Variants in PTPN11 observed in about 807,000 individuals in gnomAD.
PTPN11 encodes the protein protein tyrosine phosphatase non-receptor type 11.
Under a neutral mutation model 78.8 loss-of-function variants are expected in PTPN11, and 6 were observed. The observed-to-expected ratio is 0.08, with a 90% confidence interval of 0.04 to 0.15. The LOEUF is 0.15. Among genes scored for constraint, PTPN11 ranks in the 10% least tolerant of loss-of-function variants. PTPN11 has a pLI of 1.00. For synonymous variants in PTPN11, 221 were observed against 263.5 expected (o/e 0.84, Z 1.56); for missense variants, 386 against 744.8 (o/e 0.52, Z 5.61).
intron 9 of PTPN11, among the ~76,000 whole-genome samples, chr12:112,478,555 T>G (rs934192537): frequency 6.6e-6 from 1 of 152,200 alleles, no homozygotes; most frequent in South Asian, 2.1e-4. Flanking sequence ...AATAGCTTCT[T>G]TTGCTATGTC....
chr12:112,473,558 CTT>C (rs1439404999), intron 7 of PTPN11, among the ~76,000 whole-genome samples: 1 of 152,030 alleles, frequency 6.6e-6, no homozygotes, highest in Non-Finnish European at 1.5e-5. Flanking sequence ...CAGAAGAAGA[CTT>C]TGTGGGCCGG....
Position 112,446,543 on chromosome 12 carries a change from C to T in PTPN11, c.137+145C>T, listed in dbSNP as rs1244989486. ...CTGCCTTCAGGGTTTGGGGAGTGGC[C>T]TCCTGGACATTTAGCAGAAGAGGAG... On this transcript the variant is annotated intron_variant, in intron 2 of 15. Coordinates refer to ENST00000351677, the MANE Select transcript of PTPN11 (RefSeq NM_002834.5). The T allele has an allele frequency of 2.6e-6, 3 of 1,140,124 alleles. No individual in the cohort carries two copies. In the East Asian group the frequency reaches 7.2e-5, roughly 28 times the overall value. 70.6% of individuals were successfully genotyped at this position (1,140,124 alleles called of 1,614,324 possible).
At chr12:112,490,872 G>A (rs192857912) in intron 13 of PTPN11, among the ~76,000 whole-genome samples, 1 of 152,194 alleles carries the variant, frequency 6.6e-6, no homozygotes, top group Non-Finnish European at 1.5e-5. Flanking sequence ...GCTGATTGTG[G>A]TAAAGTAAGA....
intron 13 of PTPN11, among the ~76,000 whole-genome samples, chr12:112,493,538 G>A (rs1396170354): frequency 2.6e-5 from 4 of 151,444 alleles, no homozygotes; most frequent in East Asian, 2.0e-4. Flanking sequence ...ACAGGTACCC[G>A]CCACCATGCC....
intron 13 of PTPN11, among the ~76,000 whole-genome samples, chr12:112,494,921 G>T (rs1185879435): frequency 6.6e-6 from 1 of 152,146 alleles, no homozygotes; most frequent in Non-Finnish European, 1.5e-5. Context: ...TATTGCCCAC[G>T]TGTAGGCTAA....
rs954071053 is a variant in PTPN11 at position 112,418,974 on chromosome 12, G to C, written c.-138G>C. Reference sequence around the variant, plus strand: ...TCTCCGGGATCCCCAGGCCTGGAGGGGGGTCTGTGCGCGGCCGGCTGGCTC... The same window carrying C: ...TCTCCGGGATCCCCAGGCCTGGAGGCGGGTCTGTGCGCGGCCGGCTGGCTC... On this transcript the variant is annotated 5_prime_UTR_variant, in exon 1 of 16. Coordinates refer to ENST00000351677, the MANE Select transcript of PTPN11 (RefSeq NM_002834.5). 55 of 1,045,456 alleles carry C rather than the reference G, an allele frequency of 5.3e-5. No homozygotes were observed. The highest frequency in any genetic ancestry group is 2.9e-4 in the Middle Eastern group (1 of 3,420). 64.8% of individuals were successfully genotyped at this position (1,045,456 alleles called of 1,614,324 possible). A position where few individuals can be genotyped will look rare whatever the true frequency, so the allele number is the denominator to read the frequency against.
intron 1 of PTPN11, among the ~76,000 whole-genome samples, chr12:112,425,619 CT>C (rs2037604829): frequency 6.6e-6 from 1 of 152,148 alleles, no homozygotes; most frequent in South Asian, 2.1e-4. Flanking sequence ...GAAGTCTGGG[CT>C]TTTAGTGTAA....
chr12:112,447,467 A>AT (rs1202260750), intron 2 of PTPN11, among the ~76,000 whole-genome samples: 3 of 151,454 alleles, frequency 2.0e-5, no homozygotes, highest in South Asian at 2.1e-4. Flanking sequence ...CAACTTAAAA[A>AT]TTTTTTTTTG....
intron 1 of PTPN11, among the ~76,000 whole-genome samples, chr12:112,438,006 C>T (rs1179562318): frequency 6.6e-6 from 1 of 152,072 alleles, no homozygotes; most frequent in Non-Finnish European, 1.5e-5. Context: ...TTTAGTCTTT[C>T]CCCCTGGAAT....
chr12:112,446,505 T>C (rs2135856714), intron 2 of PTPN11, 107 bp downstream of exon 2: 1 of 1,519,984 alleles, frequency 6.6e-7, no homozygotes, highest in Non-Finnish European at 9.1e-7. Flanking sequence ...GAAGGCCTTA[T>C]CTGAGCCCTG....
chr12:112,453,541 A>ACCT (rs1329288878), intron 4 of PTPN11, among the ~76,000 whole-genome samples, 154 bp downstream of exon 4: 1 of 150,786 alleles, frequency 6.6e-6, no homozygotes, highest in African/African-American at 2.4e-5. Context: ...TTGCTCTATC[A>ACCT]CCTACAGATG....
intron 13 of PTPN11, among the ~76,000 whole-genome samples, chr12:112,492,479 G>C (rs1382404275): frequency 2.6e-5 from 4 of 151,484 alleles, no homozygotes; most frequent in African/African-American, 9.7e-5. Flanking sequence ...ATATCTTGTG[G>C]GTAGATACTG....
chr12:112,444,707 C>G (rs2037963928), intron 1 of PTPN11, among the ~76,000 whole-genome samples: 2 of 152,064 alleles, frequency 1.3e-5, no homozygotes, highest in African/African-American at 4.8e-5. Context: ...GAACTATTTC[C>G]TGTTTTATTC....
chr12:112,505,442 G>A (rs549500262), intron 15 of PTPN11, among the ~76,000 whole-genome samples: 9 of 152,066 alleles, frequency 5.9e-5, no homozygotes, highest in South Asian at 2.1e-4. Context: ...TGAGGTGGGC[G>A]GATCACCTGA....
chr12:112,450,881 C>T (rs1003931285), intron 3 of PTPN11, among the ~76,000 whole-genome samples: 1 of 152,126 alleles, frequency 6.6e-6, no homozygotes, highest in Admixed American at 6.5e-5. Context: ...TCTATGGTGG[C>T]TCTCGACCAG....
intron 9 of PTPN11, among the ~76,000 whole-genome samples, chr12:112,481,180 A>G (rs1426635545): frequency 2.6e-5 from 4 of 152,164 alleles, no homozygotes; most frequent in Non-Finnish European, 4.4e-5. Flanking sequence ...TGGGTTAGAT[A>G]AGGCACAGAG....
chr12:112,448,933 C>CTGGA (rs974636895), intron 2 of PTPN11, among the ~76,000 whole-genome samples: 2 of 151,894 alleles, frequency 1.3e-5, no homozygotes, highest in Non-Finnish European at 1.5e-5. Flanking sequence ...GTTGCCCAGG[C>CTGGA]TGGAGTGCAG....
intron 15 of PTPN11, 36 bp from the exon 16 acceptor site, chr12:112,505,789 T>A: frequency 6.6e-6 from 1 of 152,430 alleles, no homozygotes. Context: ...TTTAGATATA[T>A]GTTCCTTAAA....
At chr12:112,479,283 T>C (rs2038558506) in intron 9 of PTPN11, among the ~76,000 whole-genome samples, 1 of 152,028 alleles carries the variant, frequency 6.6e-6, no homozygotes, top group Non-Finnish European at 1.5e-5. Flanking sequence ...AAAAGTTCTG[T>C]GTTTTTGTTT....
Sources: gnomAD v4.1 joint callset for allele counts (sites outside exome capture counted in the v4.1 genomes callset) on GRCh38, gnomAD v4.1.1 for gene constraint, MANE v1.5 for transcripts, NCBI Gene and HGNC (gene_info 2026-07-23, HGNC 2026-07-21) for gene names.